The following SNX29 variants were observed in gnomAD, a reference collection of about 807,000 sequenced individuals.
SNX29 encodes the protein sorting nexin-29.
SNX29 carries 78 observed loss-of-function variants against 102.1 expected under a neutral mutation model. The ratio of observed to expected loss-of-function variants is 0.76; its 90% confidence interval spans 0.64 to 0.92. The LOEUF is 0.92. SNX29 is among the 40% of genes least tolerant of loss of function. The pLI is 0.00. For synonymous variants in SNX29, 580 were observed against 414.5 expected, an observed-to-expected ratio of 1.40 and a Z score of -4.85; for missense variants, 1,280 against 1,061.7, an observed-to-expected ratio of 1.21 and a Z score of -2.86.
At chr16:12,267,620 G>A (rs1452720848) in intron 14 of SNX29, among the ~76,000 whole-genome samples, 2 of 152,182 alleles carry the variant, frequency 1.3e-5, no homozygotes, top group African/African-American at 4.8e-5. Flanking sequence ...GCAGCCATGT[G>A]TGCTCAGCTG....
intron 6 of SNX29, among the ~76,000 whole-genome samples, chr16:12,047,291 A>G (rs1179259482): frequency 1.3e-5 from 2 of 152,168 alleles, no homozygotes; most frequent in African/African-American, 4.8e-5. Flanking sequence ...GAAAGGTGGA[A>G]TCAGCCGGAC....
At position 12,197,338 on chromosome 16, in the gene SNX29, G is replaced by C. The variant is rs541564041; in HGVS notation, c.1596-2263G>C. On this transcript the variant is annotated intron_variant, in intron 13 of 20. Coordinates refer to ENST00000566228, the MANE Select transcript of SNX29 (RefSeq NM_032167.5). ...TAATCCCAGCACTTGGGGAGGCTGA[G>C]GTGGGCGGATCACTTAAGGTCAGGA... 1.6e-4 allele frequency among the ~76,000 whole-genome samples: 25 copies of C among 152,220 alleles called. 1 individual carries two copies. The South Asian group carries it at 5.0e-3, about 30-fold the overall frequency.
chr16:12,286,105 A>C (rs960114299), intron 15 of SNX29, among the ~76,000 whole-genome samples: 1 of 151,150 alleles, frequency 6.6e-6, no homozygotes, highest in African/African-American at 2.4e-5. Context: ...GGCCTCCCAA[A>C]GTGCTGGGAT....
At chr16:12,546,053 G>A (rs535454889) in intron 20 of SNX29, among the ~76,000 whole-genome samples, 2 of 152,316 alleles carry the variant, frequency 1.3e-5, no homozygotes, top group Admixed American at 6.5e-5. Context: ...CATGATGGGA[G>A]TGAAGCAGTC....
At chr16:12,170,684 G>A (rs1297487800) in intron 13 of SNX29, among the ~76,000 whole-genome samples, 1 of 151,998 alleles carries the variant, frequency 6.6e-6, no homozygotes, top group African/African-American at 2.4e-5. Context: ...AAGTGGCTGA[G>A]TGGGTGGTAG....
At chr16:12,110,133 T>C (rs1008312024) in intron 11 of SNX29, among the ~76,000 whole-genome samples, 1 of 152,182 alleles carries the variant, frequency 6.6e-6, no homozygotes, top group African/African-American at 2.4e-5. Context: ...GATGCTGAGC[T>C]TGCGGGGAGG....
intron 15 of SNX29, among the ~76,000 whole-genome samples, chr16:12,332,801 G>A (rs2081333411): frequency 6.6e-6 from 1 of 152,026 alleles, no homozygotes; most frequent in African/African-American, 2.4e-5. Flanking sequence ...CAGTCCTCAC[G>A]GTCCTGTCTG....
chr16:12,252,880 T>G (rs914583760), intron 14 of SNX29, among the ~76,000 whole-genome samples: 8 of 152,182 alleles, frequency 5.3e-5, no homozygotes, highest in Non-Finnish European at 1.2e-4. Flanking sequence ...GTCTAATTGC[T>G]CATCAGACCC....
intron 15 of SNX29, among the ~76,000 whole-genome samples, chr16:12,320,339 G>A (rs557937973): frequency 2.0e-5 from 3 of 152,226 alleles, no homozygotes; most frequent in East Asian, 1.9e-4. Flanking sequence ...GAGAGTCACC[G>A]AGAGCCAGAA....
At chr16:11,978,486 A>G (rs1237376531) in intron 1 of SNX29, among the ~76,000 whole-genome samples, 1 of 152,222 alleles carries the variant, frequency 6.6e-6, no homozygotes, top group African/African-American at 2.4e-5. Context: ...TTCATCAGTT[A>G]AAGTGACTGG....
At chr16:12,428,916 A>G (rs1055273341) in intron 18 of SNX29, among the ~76,000 whole-genome samples, 5 of 152,114 alleles carry the variant, frequency 3.3e-5, no homozygotes, top group South Asian at 2.1e-4. Context: ...GTTAATCCCA[A>G]CACACAGATA....
chr16:12,494,102 C>G (rs189855689), intron 19 of SNX29, among the ~76,000 whole-genome samples: 1 of 152,154 alleles, frequency 6.6e-6, no homozygotes, highest in African/African-American at 2.4e-5. Flanking sequence ...GCTCCCAGTG[C>G]TATGCGAGGC....
chr16:12,350,735 T>G (rs1226316369), intron 15 of SNX29, among the ~76,000 whole-genome samples: 1 of 152,232 alleles, frequency 6.6e-6, no homozygotes, highest in African/African-American at 2.4e-5. Context: ...GCTCCTTTTG[T>G]GTTTACCAGT....
At position 12,291,457 on chromosome 16, in the gene SNX29, T is replaced by C. The variant is rs145629895; in HGVS notation, c.1782+13421T>C. 2.9e-3 allele frequency among the ~76,000 whole-genome samples: 439 copies of C among 152,270 alleles called. 1 individual carries two copies. The highest frequency in any genetic ancestry group is 4.7e-3 in the Non-Finnish European group (323 of 68,016). Reference sequence around the variant, plus strand: ...ATTCAGTTACCTCCCACTGGGTCTCTCCCACGACACGTGGGAATTGTGGGA... The same window carrying C: ...ATTCAGTTACCTCCCACTGGGTCTCCCCCACGACACGTGGGAATTGTGGGA... On this transcript the variant is annotated intron_variant, in intron 15 of 20. Transcript: ENST00000566228.
intron 15 of SNX29, among the ~76,000 whole-genome samples, chr16:12,329,746 A>C (rs556949198): frequency 6.6e-6 from 1 of 152,326 alleles, no homozygotes; most frequent in East Asian, 1.9e-4. Context: ...GGTGGGATTG[A>C]GGTGTTGGCA....
At chr16:12,039,172 C>T (rs192926428) in intron 4 of SNX29, among the ~76,000 whole-genome samples, 6 of 152,346 alleles carry the variant, frequency 3.9e-5, no homozygotes, top group East Asian at 3.9e-4. Flanking sequence ...AAGGAACCCA[C>T]GCGAATGCCC....
At chr16:12,273,705 A>G (rs2079159746) in intron 14 of SNX29, among the ~76,000 whole-genome samples, 1 of 152,094 alleles carries the variant, frequency 6.6e-6, no homozygotes, top group Admixed American at 6.6e-5. Flanking sequence ...GCCACTCTCT[A>G]ATTCCAGAAC....
At chr16:12,547,050 C>T (rs950926310) in intron 20 of SNX29, among the ~76,000 whole-genome samples, 5 of 152,128 alleles carry the variant, frequency 3.3e-5, no homozygotes, top group Non-Finnish European at 5.9e-5. Context: ...TCATGGGGGA[C>T]ACAGACATTG....
chr16:12,022,091 GT>G (rs34463878), intron 3 of SNX29, among the ~76,000 whole-genome samples: 51,603 of 130,962 alleles, frequency 0.39, 10,468 homozygotes, highest in Non-Finnish European at 0.49. Context: ...CTGGGGGGAA[GT>G]TTTTTTTTTT....
Sources: allele counts gnomAD v4.1 joint callset (sites outside exome capture counted in the v4.1 genomes callset), GRCh38; gene constraint gnomAD v4.1.1; transcripts MANE v1.5; gene names NCBI Gene and HGNC (gene_info 2026-07-23, HGNC 2026-07-21).